Variants in ITSN1 observed in about 807,000 individuals in gnomAD.
ITSN1 encodes intersectin-1.
ITSN1 carries 58 observed loss-of-function variants against 239.8 expected under a neutral mutation model. The observed-to-expected ratio is 0.24, with a 90% CI of 0.20 to 0.30. ITSN1 has a LOEUF of 0.30. Ranked by LOEUF, ITSN1 falls within the 10% of genes least tolerant of loss-of-function variation. ITSN1 has a pLI of 1.00. For synonymous variants in ITSN1, 780 were observed against 770.8 expected (o/e 1.01, Z -0.20); for missense variants, 1,558 against 2,103.3 (o/e 0.74, Z 5.07).
At chr21:33,726,530 G>T (rs776398572) in intron 4 of ITSN1, among the ~76,000 whole-genome samples, 18 of 151,988 alleles carry the variant, frequency 1.2e-4, no homozygotes, top group Non-Finnish European at 2.1e-4. Context: ...TTGAGACAGG[G>T]TCTTACTCTG....
Position 33,874,928 on chromosome 21 carries a change from T to G in ITSN1, c.4174-426T>G, listed in dbSNP as rs189744688. ...TCCCGAAGTGCTGGGATTACAGGCG[T>G]GAGCCACTGTGCCCGGCCAAGGGTA... On this transcript the variant is annotated intron_variant, in intron 33 of 39. Coordinates refer to ENST00000381318, the MANE Select transcript of ITSN1 (RefSeq NM_003024.3). Among the ~76,000 whole-genome samples the G allele has an allele frequency of 9.7e-4, 148 of 152,318 alleles. 2 individuals carry two copies. In the East Asian group the frequency reaches 0.028, roughly 29 times the overall value.
At chr21:33,653,180 A>G (rs2088702631) in intron 1 of ITSN1, among the ~76,000 whole-genome samples, 1 of 151,956 alleles carries the variant, frequency 6.6e-6, no homozygotes, top group Non-Finnish European at 1.5e-5. Context: ...TTTTCAGTGG[A>G]GACGGGGTTT....
At chr21:33,725,477 G>A (rs1025943392) in intron 4 of ITSN1, among the ~76,000 whole-genome samples, 2 of 152,098 alleles carry the variant, frequency 1.3e-5, no homozygotes, top group African/African-American at 2.4e-5. Flanking sequence ...GTGCATGCCT[G>A]TAGTCTTAGC....
At chr21:33,850,158 C>T (rs1468841093) in intron 29 of ITSN1, among the ~76,000 whole-genome samples, 2 of 152,246 alleles carry the variant, frequency 1.3e-5, no homozygotes, top group Non-Finnish European at 2.9e-5. Flanking sequence ...CACCACTTCT[C>T]AGCAGTAATT....
chr21:33,823,096 T>C (rs2073783566), intron 24 of ITSN1, among the ~76,000 whole-genome samples: 1 of 152,266 alleles, frequency 6.6e-6, no homozygotes, highest in Non-Finnish European at 1.5e-5. Flanking sequence ...TGAATGCATC[T>C]GACCCAGTGC....
At chr21:33,694,547 G>A (rs1214800744) in intron 1 of ITSN1, among the ~76,000 whole-genome samples, 1 of 152,022 alleles carries the variant, frequency 6.6e-6, no homozygotes, top group East Asian at 1.9e-4. Flanking sequence ...CTGGCCAGGC[G>A]CTGTGGCTCA....
chr21:33,817,783 AG>A, intron 22 of ITSN1: 1 of 575,464 alleles, frequency 1.7e-6, no homozygotes, highest in Non-Finnish European at 2.6e-6. Context: ...AACTAAAACA[AG>A]CATAATCCAG....
intron 11 of ITSN1, among the ~76,000 whole-genome samples, chr21:33,769,359 G>A (rs897318523): frequency 2.0e-5 from 3 of 152,134 alleles, no homozygotes; most frequent in African/African-American, 7.2e-5. Context: ...GCCAGATGCT[G>A]GAATTAAAAA....
At chr21:33,799,076 G>A (rs1236253384) in intron 18 of ITSN1, among the ~76,000 whole-genome samples, 2 of 152,162 alleles carry the variant, frequency 1.3e-5, no homozygotes, top group Non-Finnish European at 2.9e-5. Context: ...ATAGGTATAT[G>A]TCAAAATACT....
chr21:33,673,457 T>C (rs1414104681), intron 1 of ITSN1, among the ~76,000 whole-genome samples: 1 of 152,244 alleles, frequency 6.6e-6, no homozygotes, highest in Non-Finnish European at 1.5e-5. Context: ...TCACTGTGTA[T>C]ATGTATAACA....
At chr21:33,695,539 A>G (rs2091755633) in intron 1 of ITSN1, among the ~76,000 whole-genome samples, 1 of 152,276 alleles carries the variant, frequency 6.6e-6, no homozygotes, top group African/African-American at 2.4e-5. Context: ...GGATTTTGCA[A>G]GCGTGAAACT....
intron 4 of ITSN1, among the ~76,000 whole-genome samples, chr21:33,732,306 C>G (rs995074992): frequency 1.3e-5 from 2 of 152,036 alleles, no homozygotes; most frequent in Non-Finnish European, 2.9e-5. Flanking sequence ...GCCTGAATTC[C>G]AAAAGGGAGG....
intron 29 of ITSN1, among the ~76,000 whole-genome samples, chr21:33,855,215 C>T (rs764808733): frequency 1.2e-4 from 19 of 152,242 alleles, no homozygotes; most frequent in South Asian, 2.1e-4. Context: ...AACATTAGTG[C>T]GCCAAAAAAC....
intron 5 of ITSN1, among the ~76,000 whole-genome samples, chr21:33,746,094 A>G (rs1468424090): frequency 1.3e-5 from 2 of 152,234 alleles, no homozygotes; most frequent in South Asian, 2.1e-4. Context: ...GTAAAAAGCC[A>G]GGCTTAAAGA....
At chr21:33,665,217 C>A (rs993765639) in intron 1 of ITSN1, among the ~76,000 whole-genome samples, 1 of 151,082 alleles carries the variant, frequency 6.6e-6, no homozygotes, top group Admixed American at 6.6e-5. Flanking sequence ...GAGCCAAGGC[C>A]GCACCATTGC....
chr21:33,775,302 G>A (rs2069510699), intron 14 of ITSN1, among the ~76,000 whole-genome samples, 194 bp downstream of exon 14: 1 of 152,210 alleles, frequency 6.6e-6, no homozygotes, highest in Admixed American at 6.5e-5. Flanking sequence ...AATATTTACT[G>A]AGCACTGCTT....
intron 20 of ITSN1, 71 bp from the exon 21 acceptor site, chr21:33,810,904 C>G: frequency 6.4e-7 from 1 of 1,565,244 alleles, no homozygotes; most frequent in Non-Finnish European, 8.8e-7. Flanking sequence ...CTTGGGACTT[C>G]ACTGTAGTTG....
At chr21:33,854,484 G>T (rs550259331) in intron 29 of ITSN1, among the ~76,000 whole-genome samples, 4 of 152,228 alleles carry the variant, frequency 2.6e-5, no homozygotes, top group Admixed American at 1.3e-4. Context: ...ACTCACAGGA[G>T]AGTGGGGTAA....
intron 29 of ITSN1, among the ~76,000 whole-genome samples, chr21:33,852,653 C>G (rs1978543061): frequency 6.6e-6 from 1 of 152,068 alleles, no homozygotes; most frequent in Non-Finnish European, 1.5e-5. Flanking sequence ...GGACGGCACA[C>G]AGATTAGGAA....
Sources: gnomAD v4.1 joint callset for allele counts (sites outside exome capture counted in the v4.1 genomes callset) on GRCh38, gnomAD v4.1.1 for gene constraint, MANE v1.5 for transcripts, NCBI Gene and HGNC (gene_info 2026-07-23, HGNC 2026-07-21) for gene names.